Variants in TP63 observed in about 807,000 individuals in gnomAD.
TP63 encodes the protein tumor protein 63.
Under a neutral mutation model 82.8 loss-of-function variants are expected in TP63, and 17 were observed. The observed-to-expected ratio is 0.21, with a 90% CI of 0.14 to 0.31. TP63 has a LOEUF of 0.31. Among genes scored for constraint, TP63 ranks in the 10% least tolerant of loss-of-function variants. The pLI is 1.00. For missense variants in TP63, 648 were observed against 895.3 expected (o/e 0.72, Z 3.52); for synonymous variants, 330 against 321.7 (o/e 1.03, Z -0.28).
At chr3:189,675,678 G>A (rs1447671547) in intron 1 of TP63, among the ~76,000 whole-genome samples, 5 of 152,016 alleles carry the variant, frequency 3.3e-5, no homozygotes, top group South Asian at 2.1e-4. Context: ...TGACATGAAC[G>A]AGTACTGTGG....
chr3:189,638,712 C>T (rs1711548207), intron 1 of TP63, among the ~76,000 whole-genome samples: 1 of 152,116 alleles, frequency 6.6e-6, no homozygotes, highest in African/African-American at 2.4e-5. Context: ...TCAGACCACA[C>T]TTGGAGAAAT....
chr3:189,607,868 C>T, the TP63 span, among the ~76,000 whole-genome samples: 1 of 152,058 alleles, frequency 6.6e-6, no homozygotes, highest in South Asian at 2.1e-4. Context: ...CACATACATT[C>T]TTTCAAAACT....
intron 1 of TP63, among the ~76,000 whole-genome samples, chr3:189,641,655 T>C (rs191997258): frequency 2.6e-5 from 4 of 152,296 alleles, no homozygotes; most frequent in African/African-American, 7.2e-5. Context: ...TGTAATTTAC[T>C]ACATTTATTA....
At chr3:189,739,415 A>C (rs1228761217) in intron 3 of TP63, among the ~76,000 whole-genome samples, 1 of 152,148 alleles carries the variant, frequency 6.6e-6, no homozygotes, top group Non-Finnish European at 1.5e-5. Context: ...TGTGGCTGGC[A>C]AAGAATCAGA....
chr3:189,832,560 T>A (rs1166393814), intron 4 of TP63, among the ~76,000 whole-genome samples: 1 of 152,214 alleles, frequency 6.6e-6, no homozygotes, highest in Admixed American at 6.5e-5. Context: ...AAGTTTGACA[T>A]AAATTTTAAC....
chr3:189,765,725 G>A (rs898793350), intron 3 of TP63, among the ~76,000 whole-genome samples: 2 of 151,590 alleles, frequency 1.3e-5, no homozygotes, highest in African/African-American at 2.4e-5. Flanking sequence ...GAGCCACCGC[G>A]CCCGGCCTGT....
At chr3:189,691,355 A>AAAAAAAAAAG (rs1553813522) in intron 1 of TP63, among the ~76,000 whole-genome samples, 3 of 143,922 alleles carry the variant, frequency 2.1e-5, no homozygotes, top group Non-Finnish European at 4.5e-5. Flanking sequence ...AAAAAAAAAA[A>AAAAAAAAAAG]AAAAAGAAAA....
At chr3:189,709,197 A>G (rs1718418769) in intron 1 of TP63, among the ~76,000 whole-genome samples, 1 of 152,248 alleles carries the variant, frequency 6.6e-6, no homozygotes, top group Non-Finnish European at 1.5e-5. Flanking sequence ...AACAAGGAAG[A>G]TACAATATGA....
intron 3 of TP63, among the ~76,000 whole-genome samples, chr3:189,764,058 C>T (rs913435724): frequency 6.6e-6 from 1 of 152,156 alleles, no homozygotes; most frequent in Non-Finnish European, 1.5e-5. Flanking sequence ...GTGCAGGTCC[C>T]TGTGCATGCA....
chr3:189,724,930 G>A (rs1349852068), intron 1 of TP63, among the ~76,000 whole-genome samples: 3 of 152,066 alleles, frequency 2.0e-5, no homozygotes, highest in East Asian at 1.9e-4. Context: ...ACACAGTCTC[G>A]GATAATTGAT....
At chr3:189,831,579 A>G (rs1712341193) in intron 4 of TP63, among the ~76,000 whole-genome samples, 1 of 151,134 alleles carries the variant, frequency 6.6e-6, no homozygotes, top group African/African-American at 2.4e-5. Context: ...AGGCTACTAG[A>G]TGGTGGAGTT....
intron 1 of TP63, among the ~76,000 whole-genome samples, chr3:189,633,354 A>AT (rs1260025856): frequency 3.3e-5 from 5 of 151,756 alleles, no homozygotes; most frequent in African/African-American, 1.2e-4. Flanking sequence ...CCCATTAGTT[A>AT]TTTTTCCTGA....
At chr3:189,698,650 ACATGTATG>A (rs1717571228) in intron 1 of TP63, among the ~76,000 whole-genome samples, 1 of 152,172 alleles carries the variant, frequency 6.6e-6, no homozygotes, top group Non-Finnish European at 1.5e-5. Context: ...ATATGCTTAT[ACATGTATG>A]TTCTTAGAAG....
intron 4 of TP63, among the ~76,000 whole-genome samples, chr3:189,822,599 G>A (rs982534311): frequency 3.9e-5 from 6 of 152,182 alleles, no homozygotes; most frequent in African/African-American, 1.4e-4. Flanking sequence ...TTATACCCAG[G>A]CGCACTACCA....
chr3:189,889,317 T>C lies in TP63; in HGVS notation c.1508-23T>C, dbSNP rs201809217. 63 of 1,614,166 alleles carry C rather than the reference T, an allele frequency of 3.9e-5. No homozygotes were observed. In the East Asian group the frequency reaches 1.2e-3, roughly 32 times the overall value. On this transcript the variant is annotated intron_variant, in intron 11 of 13. Transcript: ENST00000264731. ...TACATGATGATGGCAGTAACCCTTT[T>C]TGTTCCTCCTGCTTCTGTTCAGTTC...
intron 1 of TP63, among the ~76,000 whole-genome samples, chr3:189,661,000 G>A (rs1713830731): frequency 6.6e-6 from 1 of 151,904 alleles, no homozygotes; most frequent in Non-Finnish European, 1.5e-5. Flanking sequence ...GGGTTTTCTA[G>A]GTGTAAAATC....
chr3:189,751,703 G>A (rs968932170), intron 3 of TP63, among the ~76,000 whole-genome samples: 39 of 152,136 alleles, frequency 2.6e-4, no homozygotes, highest in Admixed American at 6.5e-4. Context: ...TGAGTTCTTT[G>A]TGGGTTTTGG....
At chr3:189,797,199 C>A (rs1417283663) in intron 3 of TP63, among the ~76,000 whole-genome samples, 1 of 152,032 alleles carries the variant, frequency 6.6e-6, no homozygotes. Flanking sequence ...TTGAGTCAAG[C>A]TGTGGTGTGT....
At chr3:189,829,935 C>T in intron 4 of TP63, 3 of 383,176 alleles carry the variant, frequency 7.8e-6, no homozygotes, top group South Asian at 5.8e-5. Flanking sequence ...CCAGACACAT[C>T]TCATCTGATA....
Sources: gnomAD v4.1 joint callset for allele counts (sites outside exome capture counted in the v4.1 genomes callset) on GRCh38, gnomAD v4.1.1 for gene constraint, MANE v1.5 for transcripts, NCBI Gene and HGNC (gene_info 2026-07-23, HGNC 2026-07-21) for gene names.